The following SPON1 variants were observed in gnomAD, a reference collection of about 807,000 sequenced individuals.
The protein encoded by SPON1 is spondin-1.
Under a neutral mutation model 111.7 loss-of-function variants are expected in SPON1, and 52 were observed. The ratio of observed to expected loss-of-function variants is 0.47; its 90% CI spans 0.37 to 0.59. SPON1 has a LOEUF of 0.59. SPON1 is among the 20% of genes least tolerant of loss of function. The pLI, the probability that SPON1 is intolerant of heterozygous loss-of-function variation, is 0.00. For missense variants in SPON1, 957 were observed against 1,068.5 expected (o/e 0.90, Z 1.46); for synonymous variants, 410 against 395.8 (o/e 1.04, Z -0.43).
At chr11:14,074,377 C>T (rs1331600263) in intron 3 of SPON1, among the ~76,000 whole-genome samples, 1 of 152,214 alleles carries the variant, frequency 6.6e-6, no homozygotes, top group Non-Finnish European at 1.5e-5. Flanking sequence ...ACACATGGCC[C>T]CATTCCTGGG....
At chr11:14,207,789 G>A (rs1412858297) in intron 6 of SPON1, among the ~76,000 whole-genome samples, 1 of 152,222 alleles carries the variant, frequency 6.6e-6, no homozygotes, top group Non-Finnish European at 1.5e-5. Flanking sequence ...GTGGAAGACA[G>A]TGTGGCAATT....
intron 6 of SPON1, among the ~76,000 whole-genome samples, chr11:14,198,018 G>A (rs1848421765): frequency 6.6e-6 from 1 of 152,068 alleles, no homozygotes; most frequent in South Asian, 2.1e-4. Flanking sequence ...AGCATCATAA[G>A]CCTCCTAATT....
chr11:13,963,813 G>C (rs1554907774), intron 1 of SPON1, among the ~76,000 whole-genome samples: 1 of 152,206 alleles, frequency 6.6e-6, no homozygotes, highest in African/African-American at 2.4e-5. Flanking sequence ...TCCAGAACAG[G>C]TTCCCAGTGG....
At chr11:14,191,881 A>G (rs559959015) in intron 6 of SPON1, among the ~76,000 whole-genome samples, 4 of 152,224 alleles carry the variant, frequency 2.6e-5, no homozygotes, top group African/African-American at 9.6e-5. Context: ...TCATACATTA[A>G]ACATTGACCC....
At chr11:14,254,797 G>C (rs186066215) in intron 8 of SPON1, 68 bp downstream of exon 8, 11 of 1,479,122 alleles carry the variant, frequency 7.4e-6, no homozygotes, top group East Asian at 2.3e-5. Flanking sequence ...CCTGGACACA[G>C]AGGGGATCTG....
chr11:14,263,020 G>A lies in SPON1; in HGVS notation c.2260+45G>A, dbSNP rs782295900. 6 of 1,594,200 alleles carry A rather than the reference G, an allele frequency of 3.8e-6. No homozygotes were observed. In the South Asian group the frequency reaches 4.4e-5, roughly 12 times the overall value. On this transcript the variant is annotated intron_variant, in intron 15 of 15. Coordinates refer to ENST00000576479, the MANE Select transcript of SPON1 (RefSeq NM_006108.4). ...GCCTGGGTGGTCTCCAGGACAGGCAGGGTTCTGCACTGGGCTAAGTCTTGG... is the reference window on the plus strand; with the variant it reads ...GCCTGGGTGGTCTCCAGGACAGGCAAGGTTCTGCACTGGGCTAAGTCTTGG...
Position 14,074,865 on chromosome 11 carries a change from G to A in SPON1, c.480-480G>A, listed in dbSNP as rs577036555. Among the ~76,000 whole-genome samples, 6 of 152,236 alleles carry A rather than the reference G, an allele frequency of 3.9e-5. 1 individual carries two copies. The South Asian group carries it at 6.2e-4, about 16-fold the overall frequency. Reference sequence around the variant, plus strand: ...GAGACAGTTTTGTCTAGACTTTCAGGAAAGATATAGAATGACATTTTCAGA... The same window carrying A: ...GAGACAGTTTTGTCTAGACTTTCAGAAAAGATATAGAATGACATTTTCAGA... On this transcript the variant is annotated intron_variant, in intron 3 of 15. Transcript: ENST00000576479.
At chr11:14,130,388 G>C (rs1049126305) in intron 5 of SPON1, among the ~76,000 whole-genome samples, 5 of 152,134 alleles carry the variant, frequency 3.3e-5, no homozygotes, top group Non-Finnish European at 7.4e-5. Context: ...ATGATCAAAA[G>C]TTCCTCCTGC....
rs145760790 is a variant in SPON1 at position 14,022,703 on chromosome 11, G to A, written c.346-18818G>A. Among the ~76,000 whole-genome samples the A allele has an allele frequency of 2.0e-5, 3 of 152,314 alleles. No individual in the cohort carries two copies. In the East Asian group the frequency reaches 5.8e-4, roughly 29 times the overall value. Reference sequence around the variant, plus strand: ...TAAACTTTAGCTTCTTTCCCTCAAAGTTAAGCTTTTCTTCCCTGTTCATCT... The same window carrying A: ...TAAACTTTAGCTTCTTTCCCTCAAAATTAAGCTTTTCTTCCCTGTTCATCT... On this transcript the variant is annotated intron_variant, in intron 2 of 15. Coordinates refer to ENST00000576479, the MANE Select transcript of SPON1 (RefSeq NM_006108.4).
intron 3 of SPON1, among the ~76,000 whole-genome samples, chr11:14,072,185 A>G (rs1848882178): frequency 1.3e-5 from 2 of 152,166 alleles, no homozygotes; most frequent in Non-Finnish European, 2.9e-5. Flanking sequence ...ATAAGGTAAT[A>G]ATGTATATTA....
At chr11:14,196,372 C>T (rs1848402248) in intron 6 of SPON1, among the ~76,000 whole-genome samples, 1 of 152,020 alleles carries the variant, frequency 6.6e-6, no homozygotes, top group Non-Finnish European at 1.5e-5. Flanking sequence ...TTGGTGGGGC[C>T]ATTGAAAATG....
At chr11:13,977,255 G>A (rs1384899867) in intron 1 of SPON1, among the ~76,000 whole-genome samples, 2 of 152,194 alleles carry the variant, frequency 1.3e-5, no homozygotes, top group Non-Finnish European at 2.9e-5. Context: ...TTCAGCTTCA[G>A]TAAACACTGC....
chr11:14,160,431 T>TAA (rs1554930835), intron 6 of SPON1, among the ~76,000 whole-genome samples: 2 of 24,564 alleles, frequency 8.1e-5, no homozygotes, highest in Non-Finnish European at 6.3e-5. Context: ...ATATATATAT[T>TAA]TATATATATA....
chr11:14,046,306 C>T (rs1252913261), intron 3 of SPON1, among the ~76,000 whole-genome samples: 1 of 152,166 alleles, frequency 6.6e-6, no homozygotes, highest in African/African-American at 2.4e-5. Context: ...TTTGGTGTGG[C>T]TCCAACTACA....
At chr11:14,211,198 T>C (rs1420095505) in intron 6 of SPON1, among the ~76,000 whole-genome samples, 1 of 152,222 alleles carries the variant, frequency 6.6e-6, no homozygotes, top group Non-Finnish European at 1.5e-5. Flanking sequence ...TTGTCTGTGT[T>C]TGCAGATGAC....
chr11:14,068,949 G>A (rs567878177), intron 3 of SPON1, among the ~76,000 whole-genome samples: 76 of 152,298 alleles, frequency 5.0e-4, no homozygotes, highest in Non-Finnish European at 5.7e-4. Flanking sequence ...TTGTATCAAT[G>A]TCAATATCAT....
At chr11:13,979,681 A>G (rs1343191956) in intron 1 of SPON1, among the ~76,000 whole-genome samples, 1 of 152,214 alleles carries the variant, frequency 6.6e-6, no homozygotes, top group African/African-American at 2.4e-5. Flanking sequence ...TAGGCAGAGT[A>G]GGCTCCAGTA....
chr11:14,160,761 T>TA, intron 6 of SPON1, among the ~76,000 whole-genome samples: 1 of 46,254 alleles, frequency 2.2e-5, no homozygotes, highest in African/African-American at 8.7e-5. Flanking sequence ...TTTATATATA[T>TA]TTATATATTT....
At chr11:13,975,866 C>T (rs1848099415) in intron 1 of SPON1, among the ~76,000 whole-genome samples, 2 of 152,110 alleles carry the variant, frequency 1.3e-5, no homozygotes, top group Non-Finnish European at 2.9e-5. Context: ...GCCTGATGAG[C>T]ATTATGATCT....
Sources: allele counts gnomAD v4.1 joint callset (sites outside exome capture counted in the v4.1 genomes callset), GRCh38; gene constraint gnomAD v4.1.1; transcripts MANE v1.5; gene names NCBI Gene and HGNC (gene_info 2026-07-23, HGNC 2026-07-21).